Variants in IDO2 observed in about 807,000 individuals in gnomAD.
IDO2 encodes the protein indoleamine 2,3-dioxygenase 2.
In IDO2, 46 loss-of-function variants were observed where a neutral mutation model predicts 45.1. That is an observed-to-expected ratio of 1.02 (90% CI 0.80 to 1.30). IDO2 has a LOEUF of 1.30. IDO2 is among the 50% of genes most tolerant of loss of function. The pLI, the probability that IDO2 is intolerant of heterozygous loss-of-function variation, is 0.00. For synonymous variants in IDO2, 218 were observed against 184.9 expected (o/e 1.18, Z -1.45); for missense variants, 544 against 491.8 (o/e 1.11, Z -1.00).
chr8:39,982,780 G>A lies in IDO2; in HGVS notation c.434+10G>A. The A allele has an allele frequency of 6.7e-7, 1 of 1,497,668 alleles. No homozygotes were observed. The highest frequency in any genetic ancestry group is 9.1e-7 in the Non-Finnish European group (1 of 1,096,852). The allele number at this position is 1,497,668 out of a possible 1,614,324, so 92.8% of individuals were successfully genotyped here. Reference sequence around the variant, plus strand: ...AAAAAGATCCAGACGGGTAAGGAAGGAAGAGAATGCTTTGAATTTCCATAA... The same window carrying A: ...AAAAAGATCCAGACGGGTAAGGAAGAAAGAGAATGCTTTGAATTTCCATAA... On this transcript the variant is annotated intron_variant, in intron 5 of 10. Transcript: ENST00000502986.
rs1043443638 is a variant in IDO2, at chr8:39,949,356, G to T, written c.99+92G>T. 25 of 876,298 alleles carry T rather than the reference G, an allele frequency of 2.9e-5. No homozygotes were observed. In the African/African-American group the frequency reaches 4.3e-4, roughly 15 times the overall value. 54.3% of individuals were successfully genotyped at this position (876,298 alleles called of 1,614,324 possible). A position where few individuals can be genotyped will look rare whatever the true frequency, so the allele number is the denominator to read the frequency against. On this transcript the variant is annotated intron_variant, in intron 2 of 10. Transcript: ENST00000502986. ...TTAAAAATGTATGTGATTATTAAGA[G>T]ACCAATATAAATATCAAGTTGTTTA... is the stretch of plus-strand genomic sequence containing the variant.
intron 9 of IDO2, among the ~76,000 whole-genome samples, chr8:40,006,032 A>G (rs1336358700): frequency 1.3e-5 from 2 of 152,104 alleles, no homozygotes; most frequent in Non-Finnish European, 2.9e-5. Context: ...GAGTTGAGGC[A>G]TTACCTTGGA....
In IDO2 at chr8:40,015,508, TA is replaced by T; in HGVS notation, c.1134del (p.Asp379ThrfsTer10). 1 of 1,614,024 alleles carries T rather than the reference TA, an allele frequency of 6.2e-7. No homozygotes were observed. ...CATCTCCCAGGGCCTCCTCAGGCTTTAAAAGACAGGGGCACAGGTGGAACCG... is the reference window on the plus strand; with the variant it reads ...CATCTCCCAGGGCCTCCTCAGGCTTTAAAGACAGGGGCACAGGTGGAACCG... On this transcript the variant is annotated frameshift_variant, in exon 11 of 11. Transcript: ENST00000502986. LOFTEE classifies it high-confidence loss of function.
intron 10 of IDO2, among the ~76,000 whole-genome samples, chr8:40,014,200 G>C (rs543789896): frequency 2.4e-4 from 37 of 152,270 alleles, no homozygotes; most frequent in African/African-American, 8.2e-4. Context: ...ATCAAGTTAA[G>C]TTTTTAACAG....
chr8:40,005,688 T>C (rs2129595367), intron 9 of IDO2, among the ~76,000 whole-genome samples: 1 of 152,300 alleles, frequency 6.6e-6, no homozygotes, highest in East Asian at 1.9e-4. Flanking sequence ...ATCACTTACA[T>C]CTACTTTTTC....
intron 2 of IDO2, among the ~76,000 whole-genome samples, chr8:39,958,157 G>A (rs780659984): frequency 6.6e-6 from 1 of 151,740 alleles, no homozygotes; most frequent in Non-Finnish European, 1.5e-5. Flanking sequence ...TGCCCGCATC[G>A]GCCTCCTAGA....
chr8:39,966,950 G>A (rs1476854722), intron 3 of IDO2, among the ~76,000 whole-genome samples: 2 of 152,148 alleles, frequency 1.3e-5, no homozygotes, highest in Non-Finnish European at 2.9e-5. Context: ...ATTTTATTTA[G>A]TGTATCCAGT....
chr8:39,954,197 C>T (rs1171151104), intron 2 of IDO2, among the ~76,000 whole-genome samples: 12 of 152,170 alleles, frequency 7.9e-5, no homozygotes, highest in Admixed American at 7.2e-4. Context: ...TTCTAGTCCT[C>T]ATCTCCTGTC....
At chr8:40,010,443 C>A (rs914591786) in intron 9 of IDO2, among the ~76,000 whole-genome samples, 1 of 152,174 alleles carries the variant, frequency 6.6e-6, no homozygotes, top group African/African-American at 2.4e-5. Context: ...AACACGGACA[C>A]GTTTTGAAAA....
chr8:39,968,699 G>A (rs1357322316), intron 3 of IDO2, among the ~76,000 whole-genome samples: 6 of 151,976 alleles, frequency 3.9e-5, no homozygotes, highest in Admixed American at 1.3e-4. Flanking sequence ...ATCACACACC[G>A]GGGCCTGTTG....
chr8:39,935,194 A>G, exon 1 of IDO2: 1 of 1,613,690 alleles, frequency 6.2e-7, no homozygotes, highest in Non-Finnish European at 8.5e-7. Flanking sequence ...GGCCACCACA[A>G]GAATGTTGCA....
At chr8:39,946,694 C>T (rs1049596632) in intron 1 of IDO2, among the ~76,000 whole-genome samples, 14 of 152,258 alleles carry the variant, frequency 9.2e-5, no homozygotes, top group East Asian at 5.8e-4. Flanking sequence ...TCCAGTCTCC[C>T]GCACAGCCTG....
At chr8:39,966,505 C>A (rs908253975) in intron 3 of IDO2, among the ~76,000 whole-genome samples, 2 of 152,158 alleles carry the variant, frequency 1.3e-5, no homozygotes, top group African/African-American at 4.8e-5. Context: ...GTTTCTAGAA[C>A]CACAGATGGA....
Position 39,979,109 on chromosome 8 carries a change from C to T in IDO2, c.238C>T (p.Gln80Ter), listed in dbSNP as rs2129594378. 6.2e-7 allele frequency: 1 copy of T among 1,601,268 alleles called. No individual in the cohort carries two copies. Among genetic ancestry groups the T allele is most frequent in the South Asian group, 1.1e-5 (1 of 88,008 alleles). The change falls in exon 4 of 11, where the codon CAG (glutamine) becomes TAG (stop). Residue 80 changes from glutamine (Q) to a stop codon, truncating the protein, a stop_gained. Coordinates refer to ENST00000502986, the Ensembl canonical transcript of IDO2. LOFTEE classifies it high-confidence loss of function. ...CCAGTTCCTGAAGGGTCACCGGGAG[C>T]AGCGCCTGGCCCACCTGGTCCTGAG...
chr8:39,937,635 C>G (rs1044423736), intron 1 of IDO2, among the ~76,000 whole-genome samples: 2 of 151,844 alleles, frequency 1.3e-5, no homozygotes, highest in Non-Finnish European at 2.9e-5. Context: ...ATCCTGCTAC[C>G]TCAACCCCCC....
At chr8:39,947,111 G>A (rs766370736) in intron 1 of IDO2, among the ~76,000 whole-genome samples, 25 of 142,912 alleles carry the variant, frequency 1.7e-4, no homozygotes, top group Non-Finnish European at 2.6e-4. Context: ...AGCAGAGATC[G>A]CGCCACTGCA....
chr8:39,960,916 G>A (rs1807984859), intron 2 of IDO2, among the ~76,000 whole-genome samples: 1 of 152,094 alleles, frequency 6.6e-6, no homozygotes, highest in African/African-American at 2.4e-5. Flanking sequence ...CCGAGTAGCT[G>A]GGACTACAGG....
At chr8:39,958,092 A>G (rs2129593656) in intron 2 of IDO2, among the ~76,000 whole-genome samples, 1 of 151,832 alleles carries the variant, frequency 6.6e-6, no homozygotes, top group Non-Finnish European at 1.5e-5. Context: ...TTTCTACTAG[A>G]GACGTGGTTT....
chr8:39,941,221 C>CAAAAAAAAAAA (rs59745370), intron 1 of IDO2, among the ~76,000 whole-genome samples: 36 of 80,512 alleles, frequency 4.5e-4, no homozygotes, highest in African/African-American at 1.9e-3. Context: ...GACTCCATCT[C>CAAAAAAAAAAA]AAAAAAAAAA....
Sources: gnomAD v4.1 joint callset for allele counts (sites outside exome capture counted in the v4.1 genomes callset) on GRCh38, gnomAD v4.1.1 for gene constraint, MANE v1.5 for transcripts, NCBI Gene and HGNC (gene_info 2026-07-23, HGNC 2026-07-21) for gene names.